The following TAOK2 variants were observed in gnomAD, a reference collection of about 807,000 sequenced individuals.
The protein encoded by TAOK2 is serine/threonine-protein kinase TAO2.
TAOK2 carries 42 observed loss-of-function variants against 122.5 expected under a neutral mutation model. That is an observed-to-expected ratio of 0.34 (90% confidence interval 0.27 to 0.44). The LOEUF (loss-of-function observed/expected upper bound fraction) is 0.44, where lower values mean the gene tolerates loss of function less well. Among genes scored for constraint, TAOK2 ranks in the 20% least tolerant of loss-of-function variants. The pLI is 1.00. For synonymous variants in TAOK2, 704 were observed against 677.6 expected (o/e 1.04, Z -0.61); for missense variants, 1,264 against 1,644.9 (o/e 0.77, Z 4.01).
At chr16:29,974,719 A>C (rs1208592926) in intron 1 of TAOK2, 71 bp downstream of exon 1, 1 of 152,434 alleles carries the variant, frequency 6.6e-6, no homozygotes, top group African/African-American at 2.4e-5. Context: ...CCTTTCTGAG[A>C]AGCTGGACTT....
chr16:29,989,027 C>T (rs925105799), downstream of TAOK2: 27 of 985,290 alleles, frequency 2.7e-5, no homozygotes, highest in Non-Finnish European at 3.1e-5. Flanking sequence ...CATTTCTCAG[C>T]TCGGTGCTTC....
intron 2 of TAOK2, 48 bp from the exon 3 acceptor site, chr16:29,978,041 G>T: frequency 6.2e-7 from 1 of 1,612,968 alleles, no homozygotes; most frequent in Non-Finnish European, 8.5e-7. Context: ...GTCTTCCCAT[G>T]CCCGGCTCTC....
Position 29,977,828 on chromosome 16 carries a change from T to C in TAOK2, c.56T>C (p.Phe19Ser). 1 of 1,614,190 alleles carries C rather than the reference T, an allele frequency of 6.2e-7. No homozygotes were observed. Among genetic ancestry groups the C allele is most frequent in the Non-Finnish European group, 8.5e-7 (1 of 1,180,012 alleles). The change falls in exon 2 of 16, where the codon TTC becomes TCC. Residue 19 changes from phenylalanine (F) to serine (S), a missense_variant. Physicochemically the swap from Phe to Ser is radical, Grantham distance 155 (BLOSUM62 -2). Around this residue, in one of 4 missense-constraint regions of TAOK2, gnomAD observed 254 missense variants for 503.8 expected, o/e 0.50. Coordinates refer to ENST00000308893, the MANE Select transcript of TAOK2 (RefSeq NM_016151.4). Reference sequence around the variant, plus strand: ...AAGGACCCAGATGTGGCTGAGCTCTTCTTCAAGGATGACCCAGAAAAGCTC... The same window carrying C: ...AAGGACCCAGATGTGGCTGAGCTCTCCTTCAAGGATGACCCAGAAAAGCTC... Reference protein sequence around the residue: ...SLKDPDVAELFFKDDPEKLFS... With the variant: ...SLKDPDVAELSFKDDPEKLFS...
rs886457195 is a variant in TAOK2 at position 29,985,132 on chromosome 16, C to T, written c.1423-81C>T. On this transcript the variant is annotated intron_variant, in intron 13 of 15. Coordinates refer to ENST00000308893, the MANE Select transcript of TAOK2 (RefSeq NM_016151.4). The surrounding 1 kb of genome is among the most constrained non-coding windows in gnomAD (Gnocchi z 6.9). ...GAAACCCATGAGTTGAAAACCCATG[C>T]TCTTCCCCACGGAAGACCCCTTGTG... 1.1e-5 allele frequency: 16 copies of T among 1,426,034 alleles called. No homozygotes were observed. In the African/African-American group the frequency reaches 2.1e-4, roughly 19 times the overall value. 88.3% of individuals were successfully genotyped at this position (1,426,034 alleles called of 1,614,324 possible).
Position 29,985,196 on chromosome 16 carries a change from C to T in TAOK2, c.1423-17C>T. The T allele has an allele frequency of 1.3e-6, 2 of 1,493,374 alleles. No homozygotes were observed. The highest frequency in any genetic ancestry group is 1.8e-6 in the Non-Finnish European group (2 of 1,120,360). The allele number at this position is 1,493,374 out of a possible 1,614,324, so 92.5% of individuals were successfully genotyped here. A position where few individuals can be genotyped will look rare whatever the true frequency, so the allele number is the denominator to read the frequency against. On this transcript the variant is annotated splice_polypyrimidine_tract_variant and intron_variant, in intron 13 of 15. Coordinates refer to ENST00000308893, the MANE Select transcript of TAOK2 (RefSeq NM_016151.4). This position sits in a 1 kb window ranked among gnomAD's most constrained non-coding sequence, Gnocchi z 6.9. ...GGCCAGGCTGAGCCCCAGCTCTCAC[C>T]CTCTCTCCTTCCCCAGGTCAGCCGT...
intron 1 of TAOK2, among the ~76,000 whole-genome samples, chr16:29,976,432 AACAAC>A (rs1433703893): frequency 1.3e-5 from 2 of 152,228 alleles, no homozygotes; most frequent in Non-Finnish European, 2.9e-5. Context: ...AGACAAAATT[AACAAC>A]ACAACAGGAA....
In TAOK2 at chr16:29,982,738, G is replaced by A. The variant is rs747127087; in HGVS notation, c.836G>A (p.Arg279His). 2.2e-5 allele frequency: 35 copies of A among 1,612,988 alleles called. No homozygotes were observed. Among genetic ancestry groups the A allele is most frequent in the Non-Finnish European group, 2.5e-5 (29 of 1,179,446 alleles). Residue 279 changes from arginine to histidine, a missense_variant, in exon 11 of 16, where the codon CGC becomes CAC. Arg to His is a conservative substitution (Grantham distance 29). Around this residue, in one of 4 missense-constraint regions of TAOK2, gnomAD observed 254 missense variants for 503.8 expected, o/e 0.50. Transcript: ENST00000308893. ...CTCAGTGCCCTCTTCCCCCAGCACC[G>A]CTTTGTGCTCCGGGAGCGGCCACCC... Reference protein sequence around the residue: ...RPTSEVLLKHRFVLRERPPTV... With the variant: ...RPTSEVLLKHHFVLRERPPTV...
intron 1 of TAOK2, among the ~76,000 whole-genome samples, 177 bp downstream of exon 1, chr16:29,974,825 C>G (rs1429950264): frequency 6.6e-6 from 1 of 152,152 alleles, no homozygotes; most frequent in East Asian, 1.9e-4. Flanking sequence ...CCTTCCTCTT[C>G]CCTTCATTGT....
At chr16:29,991,840 C>T (rs763823682), downstream of TAOK2, 6 of 380,030 alleles carry the variant, frequency 1.6e-5, no homozygotes, top group East Asian at 4.1e-5. This position sits in a 1 kb window ranked among gnomAD's most constrained non-coding sequence, Gnocchi z 5.6. Context: ...GGGAGATGTG[C>T]GTGTCAAATA....
In TAOK2 at chr16:29,977,880, T is replaced by C. The variant is rs1405807188; in HGVS notation, c.108T>C (p.His36=). 9 of 1,613,994 alleles carry C rather than the reference T, an allele frequency of 5.6e-6. No homozygotes were observed. The highest frequency in any genetic ancestry group is 1.3e-5 in the African/African-American group (1 of 74,898). Residue 36 remains histidine (H), a synonymous_variant, in exon 2 of 16, where the codon CAT becomes CAC. Transcript: ENST00000308893. ...TCTCTGACCTCCGGGAAATTGGCCA[T>C]GGCAGCTTTGGAGCCGTATACTTTG... ...KLFSDLREIG[H]GSFGAVYFAR... is the part of the protein sequence containing the mutation.
Position 29,979,346 on chromosome 16 carries a change from AG to A in TAOK2, c.563+41del. 1 of 1,612,132 alleles carries A rather than the reference AG, an allele frequency of 6.2e-7. No homozygotes were observed. Among genetic ancestry groups the A allele is most frequent in the Non-Finnish European group, 8.5e-7 (1 of 1,178,658 alleles). ...GTGGTGGTGAGTGGAGAGACCTCCC[AG>A]GGATGTTGGGAGTAGGAGTGACAGG... is the stretch of plus-strand genomic sequence containing the variant. On this transcript the variant is annotated intron_variant, in intron 7 of 15. Transcript: ENST00000308893. This position sits in a 1 kb window ranked among gnomAD's most constrained non-coding sequence, Gnocchi z 4.1.
rs1177755386 is a variant in TAOK2 at position 29,977,921 on chromosome 16, G to C, written c.132+17G>C. 6.2e-7 allele frequency: 1 copy of C among 1,614,122 alleles called. No homozygotes were observed. The highest frequency in any genetic ancestry group is 1.1e-5 in the South Asian group (1 of 91,078). ...GTATACTTTGTGAGTTGGGTCTTGGGAGGGTGTAATAGGGATGGGGACTCT... is the reference window on the plus strand; with the variant it reads ...GTATACTTTGTGAGTTGGGTCTTGGCAGGGTGTAATAGGGATGGGGACTCT... On this transcript the variant is annotated intron_variant, in intron 2 of 15. Transcript: ENST00000308893.
downstream of TAOK2, chr16:29,990,533 G>A (rs2069941523): frequency 1.5e-5 from 5 of 335,146 alleles, no homozygotes; most frequent in Admixed American, 9.2e-5. Flanking sequence ...CCTTATTGGT[G>A]GACATTTAGG....
downstream of TAOK2, chr16:29,991,396 G>A (rs1408132528): frequency 1.9e-6 from 3 of 1,560,146 alleles, no homozygotes; most frequent in East Asian, 2.4e-5. The surrounding 1 kb of genome is among the most constrained non-coding windows in gnomAD (Gnocchi z 5.6). Flanking sequence ...ACACCCCGTG[G>A]CGGAGCCCTG....
downstream of TAOK2, chr16:29,988,472 CG>C: frequency 2.5e-6 from 3 of 1,223,400 alleles, no homozygotes; most frequent in Non-Finnish European, 3.1e-6. Context: ...GGCTGACCCT[CG>C]GCCCGGCTCC....
chr16:29,991,845 C>A, downstream of TAOK2: 8 of 368,168 alleles, frequency 2.2e-5, no homozygotes, highest in Non-Finnish European at 2.4e-5. The surrounding 1 kb of genome is among the most constrained non-coding windows in gnomAD (Gnocchi z 5.6). Flanking sequence ...ATGTGCGTGT[C>A]AAATATTCAT....
chr16:29,987,182 G>T lies in TAOK2; in HGVS notation c.2910G>T (p.Leu970=). ...GSSSGLLPLL[L]LLLLPLLAAQ... ...CCTCTGGCCTCCTGCCCCTCCTGCTGCTGCTGCTGCTTCCATTGCTGGCAG... is the reference window on the plus strand; with the variant it reads ...CCTCTGGCCTCCTGCCCCTCCTGCTTCTGCTGCTGCTTCCATTGCTGGCAG... The change falls in exon 16 of 16, where the codon CTG becomes CTT. Residue 970 remains leucine, a synonymous_variant. Coordinates refer to ENST00000308893, the MANE Select transcript of TAOK2 (RefSeq NM_016151.4). The T allele has an allele frequency of 6.4e-7, 1 of 1,555,772 alleles. No homozygotes were observed. The highest frequency in any genetic ancestry group is 8.6e-7 in the Non-Finnish European group (1 of 1,156,124).
downstream of TAOK2, chr16:29,988,406 C>T: frequency 7.7e-7 from 1 of 1,297,886 alleles, no homozygotes; most frequent in Non-Finnish European, 1.0e-6. Context: ...GTGCCTTTGG[C>T]CCAGGCTGCC....
At position 29,985,420 on chromosome 16, in the gene TAOK2, C is replaced by T. The variant is rs780311914; in HGVS notation, c.1630C>T (p.Arg544Trp). Residue 544 changes from arginine to tryptophan, a missense_variant, in exon 14 of 16, where the codon CGG (arginine) becomes TGG (tryptophan). This residue lies in a region of TAOK2 where 64 missense variants were observed against 115.7 expected (regional missense o/e 0.55). Coordinates refer to ENST00000308893, the MANE Select transcript of TAOK2 (RefSeq NM_016151.4). The surrounding 1 kb of genome is among the most constrained non-coding windows in gnomAD (Gnocchi z 6.9). ...GFGAEAEKLA[R>W]RHQAIGEKEA... is the part of the protein sequence containing the mutation. ...TGGGGCAGAGGCAGAAAAGCTGGCC[C>T]GGCGGCACCAGGCCATAGGTGAGAA... 3.7e-6 allele frequency: 6 copies of T among 1,608,436 alleles called. No individual in the cohort carries two copies. The highest frequency in any genetic ancestry group is 1.7e-5 in the Admixed American group (1 of 58,834).
Sources: gnomAD v4.1 joint callset for allele counts (sites outside exome capture counted in the v4.1 genomes callset) on GRCh38, gnomAD v4.1.1 for gene constraint, gnomAD v4.1.1 regional missense constraint, Gnocchi (gnomAD v3.1) non-coding constraint, MANE v1.5 for transcripts, NCBI Gene and HGNC (gene_info 2026-07-23, HGNC 2026-07-21) for gene names.